Variants in MUC20 observed in about 807,000 individuals in gnomAD.
MUC20 encodes the protein mucin-20.
Under a neutral mutation model 23.8 loss-of-function variants are expected in MUC20, and 14 were observed. That is an observed-to-expected ratio of 0.59 (90% confidence interval 0.39 to 0.92). The LOEUF (loss-of-function observed/expected upper bound fraction) is 0.92, where lower values mean the gene tolerates loss of function less well. Ranked by LOEUF, MUC20 falls within the 40% of genes least tolerant of loss-of-function variation. The pLI, the probability that MUC20 is intolerant of heterozygous loss-of-function variation, is 0.00. For synonymous variants in MUC20, 166 were observed against 279.3 expected (o/e 0.59, Z 4.04); for missense variants, 375 against 668.8 (o/e 0.56, Z 4.85).
rs1228175929 is a variant in MUC20, at chr3:195,733,270, C to G, written c.*52C>G. 1 of 1,557,330 alleles carries G rather than the reference C, an allele frequency of 6.4e-7. No homozygotes were observed. The highest frequency in any genetic ancestry group is 8.7e-7 in the Non-Finnish European group (1 of 1,150,748). On this transcript the variant is annotated 3_prime_UTR_variant, in exon 4 of 4. Coordinates refer to ENST00000447234, the MANE Select transcript of MUC20 (RefSeq NM_001282506.2). ...CCCGTATGCCAAAAGAGGGTGCTGC[C>G]CCTAGCCTGGGCCCCCACCGACAGA...
intron 1 of MUC20, chr3:195,721,588 A>T (rs1238443763): frequency 5.6e-6 from 1 of 179,138 alleles, no homozygotes; most frequent in Non-Finnish European, 1.2e-5. Context: ...ACTGCTTGGG[A>T]AGGGTGGATG....
At chr3:195,729,326 T>G (rs1713102628) in intron 2 of MUC20, 13 of 242,794 alleles carry the variant, frequency 5.4e-5, no homozygotes, top group South Asian at 9.4e-5. Context: ...TTTTTTTTTT[T>G]TTTTTTTTTG....
intron 2 of MUC20, 133 bp from the exon 3 acceptor site, chr3:195,729,515 C>T: frequency 1.2e-6 from 1 of 808,686 alleles, no homozygotes; most frequent in Non-Finnish European, 2.0e-6. Flanking sequence ...GGGATTTCTC[C>T]ATGTTGGTCA....
At chr3:195,723,573 G>A (rs1180249570) in intron 1 of MUC20, among the ~76,000 whole-genome samples, 1 of 120,326 alleles carries the variant, frequency 8.3e-6, no homozygotes. Context: ...AATATTGCAT[G>A]AGAAATACTC....
intron 3 of MUC20, among the ~76,000 whole-genome samples, chr3:195,731,586 C>T (rs1160216150): frequency 6.6e-6 from 1 of 152,266 alleles, no homozygotes; most frequent in Non-Finnish European, 1.5e-5. Flanking sequence ...CACTGTCCCT[C>T]TTGCTGGTCA....
At chr3:195,728,600 G>C (rs1469226849) in intron 2 of MUC20, among the ~76,000 whole-genome samples, 2 of 152,092 alleles carry the variant, frequency 1.3e-5, no homozygotes, top group Non-Finnish European at 1.5e-5. Context: ...CCAGGGGCAG[G>C]CAGGAGACAG....
rs376392875 is a variant in MUC20, at chr3:195,726,547, G to A, written c.1944G>A (p.Thr648=). 7.2e-5 allele frequency: 116 copies of A among 1,613,702 alleles called. No homozygotes were observed. In the African/African-American group the frequency reaches 8.7e-4, roughly 12 times the overall value. The change falls in exon 2 of 4, where the codon ACG becomes ACA. Residue 648 remains threonine (T), a synonymous_variant. Coordinates refer to ENST00000447234, the MANE Select transcript of MUC20 (RefSeq NM_001282506.2). ...CAGCCACGCCCACGACTGCCCGGAC[G>A]AGGCCGACCACAGACGTGAGTGCAG... ...PPTATPTTAR[T]RPTTDVSAGE... is the part of the protein sequence containing the mutation.
chr3:195,733,002 C>G (rs1713554332), intron 3 of MUC20, 148 bp from the exon 4 acceptor site: 1 of 795,460 alleles, frequency 1.3e-6, no homozygotes, highest in South Asian at 1.7e-5. Context: ...GTGTGTGAGG[C>G]ACCAGCCTGT....
chr3:195,733,082 G>A (rs1713562049), intron 3 of MUC20, 68 bp from the exon 4 acceptor site: 2 of 1,516,208 alleles, frequency 1.3e-6, no homozygotes, highest in South Asian at 1.2e-5. Flanking sequence ...GTCCCTTCCT[G>A]TCCTCTGCCT....
At chr3:195,726,983 C>A (rs1405204292) in intron 2 of MUC20, among the ~76,000 whole-genome samples, 9 of 152,296 alleles carry the variant, frequency 5.9e-5, no homozygotes, top group African/African-American at 1.9e-4. Flanking sequence ...GCCATAGCCA[C>A]ACAGAGGAGC....
chr3:195,730,503 G>A (rs1164787141), intron 3 of MUC20, among the ~76,000 whole-genome samples: 10 of 151,456 alleles, frequency 6.6e-5, no homozygotes, highest in African/African-American at 1.9e-4. Context: ...CCGCCACCAC[G>A]CCCAACTAAT....
At chr3:195,730,327 T>C (rs1238479635) in intron 3 of MUC20, among the ~76,000 whole-genome samples, 2 of 152,258 alleles carry the variant, frequency 1.3e-5, no homozygotes, top group East Asian at 3.8e-4. Flanking sequence ...CACATTTTCT[T>C]TTCTTTTTTC....
Position 195,726,011 on chromosome 3 carries a change from C to G in MUC20, c.1408C>G (p.His470Asp), listed in dbSNP as rs1439730907. The G allele has an allele frequency of 6.2e-7, 1 of 1,613,922 alleles. No homozygotes were observed. Among genetic ancestry groups the G allele is most frequent in the Admixed American group, 1.7e-5 (1 of 60,006 alleles). Residue 470 changes from histidine (H) to aspartate (D), a missense_variant, in exon 2 of 4, where the codon CAC becomes GAC. Physicochemically the swap from His to Asp is moderately conservative, Grantham distance 81. Coordinates refer to ENST00000447234, the MANE Select transcript of MUC20 (RefSeq NM_001282506.2). The part of the protein sequence containing the change: ...ALPDSTEAKP[H>D]ITEVTASAET... ...GCCTGACTCCACTGAAGCAAAACCA[C>G]ACATCACTGAGGTCACAGCCTCTGC...
chr3:195,728,622 T>C (rs1448142190), intron 2 of MUC20, among the ~76,000 whole-genome samples: 54 of 152,022 alleles, frequency 3.6e-4, no homozygotes, highest in African/African-American at 1.2e-3. Flanking sequence ...GGCCTTCCTC[T>C]ATCTCAACTG....
At chr3:195,727,859 C>A (rs1410547281) in intron 2 of MUC20, among the ~76,000 whole-genome samples, 1 of 151,768 alleles carries the variant, frequency 6.6e-6, no homozygotes, top group African/African-American at 2.4e-5. Context: ...TGATGCCAGG[C>A]AGTGTACCAC....
intron 3 of MUC20, among the ~76,000 whole-genome samples, chr3:195,732,489 A>G (rs1713500002): frequency 6.6e-6 from 1 of 152,136 alleles, no homozygotes; most frequent in Non-Finnish European, 1.5e-5. Context: ...CCTCCCTAGT[A>G]GCTGGGATTA....
intron 3 of MUC20, among the ~76,000 whole-genome samples, chr3:195,730,642 A>AC (rs1560186572): frequency 6.6e-6 from 1 of 151,794 alleles, no homozygotes; most frequent in African/African-American, 2.4e-5. Context: ...GAGCCACCGC[A>AC]CCCGGCCCCC....
rs1560184692 is a variant in MUC20 at position 195,729,666 on chromosome 3, T to A, written c.1988T>A (p.Leu663His). The A allele has an allele frequency of 1.9e-6, 3 of 1,588,110 alleles. No individual in the cohort carries two copies. In the East Asian group the frequency reaches 6.8e-5, roughly 36 times the overall value. The change falls in exon 3 of 4, where the codon CTC (leucine) becomes CAC (histidine). Residue 663 changes from leucine (L) to histidine (H), a missense_variant. By Grantham distance (99) the Leu-to-His change is moderately conservative. Around this residue, in one of 4 missense-constraint regions of MUC20, gnomAD observed 343 missense variants for 340.2 expected, o/e 1.01. Coordinates refer to ENST00000447234, the MANE Select transcript of MUC20 (RefSeq NM_001282506.2). ...DVSAGENGGF[L>H]LLRLSVASPE... Reference sequence around the variant, plus strand: ...TTTGCAGGTGAAAATGGAGGTTTCCTCCTCCTGCGGCTGAGTGTGGCTTCC... The same window carrying A: ...TTTGCAGGTGAAAATGGAGGTTTCCACCTCCTGCGGCTGAGTGTGGCTTCC...
At chr3:195,733,011 G>A (rs1345625726) in intron 3 of MUC20, 139 bp from the exon 4 acceptor site, 7 of 859,234 alleles carry the variant, frequency 8.1e-6, no homozygotes, top group Non-Finnish European at 1.3e-5. Context: ...GCACCAGCCT[G>A]TGTCCAGCAT....
Sources: gnomAD v4.1 joint callset for allele counts (sites outside exome capture counted in the v4.1 genomes callset) on GRCh38, gnomAD v4.1.1 for gene constraint, gnomAD v4.1.1 regional missense constraint, MANE v1.5 for transcripts, NCBI Gene and HGNC (gene_info 2026-07-23, HGNC 2026-07-21) for gene names.